Variants in VPS13A observed in about 807,000 individuals in gnomAD.
VPS13A encodes vacuolar protein sorting 13 homolog A, also known as intermembrane lipid transfer protein VPS13A.
In VPS13A, 264 loss-of-function variants were observed where a neutral mutation model predicts 390.9. That is an observed-to-expected ratio of 0.68 (90% confidence interval 0.61 to 0.75). The LOEUF (loss-of-function observed/expected upper bound fraction) is 0.75, where lower values mean the gene tolerates loss of function less well. Among genes scored for constraint, VPS13A ranks in the 30% least tolerant of loss-of-function variants. The probability of loss-of-function intolerance (pLI) is 0.00; values close to 1 mark genes in which losing one functional copy is unlikely to be tolerated. For synonymous variants in VPS13A, 1,231 were observed against 1,227.1 expected, an observed-to-expected ratio of 1.00 and a Z score of -0.07; for missense variants, 3,409 against 3,733.9, an observed-to-expected ratio of 0.91 and a Z score of 2.27.
At chr9:77,209,941 T>C (rs939385877) in intron 6 of VPS13A, among the ~76,000 whole-genome samples, 4 of 152,204 alleles carry the variant, frequency 2.6e-5, no homozygotes, top group Non-Finnish European at 5.9e-5. Context: ...TTTATAATCC[T>C]ATTTTGTTAG....
Position 77,344,256 on chromosome 9 carries a change from G to A in VPS13A, c.7130G>A (p.Cys2377Tyr), listed in dbSNP as rs1249763554. 4 of 1,613,324 alleles carry A rather than the reference G, an allele frequency of 2.5e-6. No homozygotes were observed. The highest frequency in any genetic ancestry group is 3.4e-6 in the Non-Finnish European group (4 of 1,179,644). ...KRIYFNKQEN[C>Y]ILLRLDNELG... is the part of the protein sequence containing the mutation. ...ATATATTTTAACAAGCAGGAAAATT[G>A]TATTCTATTGCGTCTAGATAACGAG... The change falls in exon 51 of 72, where the codon TGT (cysteine) becomes TAT (tyrosine). Residue 2377 changes from cysteine (C) to tyrosine (Y), a missense_variant. By Grantham distance (194) the Cys-to-Tyr change is radical (BLOSUM62 -2). This residue lies in a region of VPS13A where 2,717 missense variants were observed against 2,917.4 expected (regional missense o/e 0.93). Transcript: ENST00000360280.
chr9:77,180,201 A>G (rs1021914671), intron 1 of VPS13A, among the ~76,000 whole-genome samples: 1 of 152,006 alleles, frequency 6.6e-6, no homozygotes, highest in Non-Finnish European at 1.5e-5. Flanking sequence ...TTTTTTGTGG[A>G]TGTATGTTTT....
At chr9:77,207,236 TA>T (rs1564630284) in intron 5 of VPS13A, among the ~76,000 whole-genome samples, 2 of 88,936 alleles carry the variant, frequency 2.2e-5, no homozygotes, top group African/African-American at 7.0e-5. Flanking sequence ...TATATATATA[TA>T]TATATATATA....
At chr9:77,180,085 C>A (rs1200722279) in intron 1 of VPS13A, among the ~76,000 whole-genome samples, 3 of 151,962 alleles carry the variant, frequency 2.0e-5, no homozygotes, top group Non-Finnish European at 4.4e-5. Context: ...ATTCATAGAC[C>A]ACAATTTATT....
intron 17 of VPS13A, among the ~76,000 whole-genome samples, chr9:77,236,500 G>C (rs1338531397): frequency 1.3e-5 from 2 of 152,160 alleles, no homozygotes; most frequent in African/African-American, 4.8e-5. Context: ...GAAGGATGTA[G>C]TTTTCCATTT....
chr9:77,235,179 T>C (rs980319040), intron 17 of VPS13A, among the ~76,000 whole-genome samples: 1 of 152,204 alleles, frequency 6.6e-6, no homozygotes, highest in African/African-American at 2.4e-5. Flanking sequence ...CTATCTAATA[T>C]CCTGTCATTG....
chr9:77,271,718 G>A (rs751476642), intron 23 of VPS13A, among the ~76,000 whole-genome samples: 2 of 151,736 alleles, frequency 1.3e-5, no homozygotes, highest in South Asian at 2.1e-4. Flanking sequence ...GGAATAGAAC[G>A]CAGGATTACT....
intron 70 of VPS13A, among the ~76,000 whole-genome samples, chr9:77,406,591 A>G (rs1326625668): frequency 6.6e-6 from 1 of 151,684 alleles, no homozygotes; most frequent in African/African-American, 2.4e-5. Flanking sequence ...TAATTTTTGT[A>G]TTTTTAGTAC....
At chr9:77,226,657 C>T (rs1823535374) in intron 15 of VPS13A, 59 bp downstream of exon 15, 2 of 1,568,180 alleles carry the variant, frequency 1.3e-6, no homozygotes, top group Admixed American at 3.4e-5. Context: ...AAAGTTTTGC[C>T]ATTTTTTGCC....
At chr9:77,371,005 A>G in intron 66 of VPS13A, 21 bp from the exon 67 acceptor site, 1 of 1,614,136 alleles carries the variant, frequency 6.2e-7, no homozygotes, top group Non-Finnish European at 8.5e-7. Context: ...GCAATTGTCA[A>G]AAACTCTTTT....
chr9:77,369,959 G>A (rs1026352574), intron 63 of VPS13A, among the ~76,000 whole-genome samples: 8 of 152,306 alleles, frequency 5.3e-5, no homozygotes, highest in African/African-American at 1.9e-4. Flanking sequence ...AGAGTAGTTT[G>A]AACTGTGCTT....
chr9:77,326,605 C>T (rs1830030698), intron 45 of VPS13A, among the ~76,000 whole-genome samples: 1 of 151,984 alleles, frequency 6.6e-6, no homozygotes, highest in South Asian at 2.1e-4. Context: ...CTCTTTTTAA[C>T]ATCCTTAGTC....
chr9:77,321,123 GTGT>G lies in VPS13A; in HGVS notation c.5416-44_5416-42del, dbSNP rs373582745. On this transcript the variant is annotated intron_variant, in intron 42 of 71. Coordinates refer to ENST00000360280, the MANE Select transcript of VPS13A (RefSeq NM_033305.3). ...GTATTGGGATTTGTCTAGTTATGTTGTGTTCTTAGAATTTTTCCTTATATTTCT... is the reference window on the plus strand; with the variant it reads ...GTATTGGGATTTGTCTAGTTATGTTGTCTTAGAATTTTTCCTTATATTTCT... 2,291 of 1,538,678 alleles carry G rather than the reference GTGT, an allele frequency of 1.5e-3. 27 individuals are homozygous for G. The African/African-American group carries it at 0.027, about 18-fold the overall frequency.
chr9:77,293,636 CA>C (rs1411748067), intron 32 of VPS13A, 128 bp downstream of exon 32: 2 of 462,146 alleles, frequency 4.3e-6, no homozygotes, highest in Non-Finnish European at 7.1e-6. Context: ...TTCTGGGTAC[CA>C]TTTATTATAC....
rs139516538 is a variant in VPS13A at position 77,281,931 on chromosome 9, G to A, written c.2964+5G>A. ...AATGTTTTACAATTGATTAAGGTAT[G>A]AGTAGATAATTTATTTTTTAATTAT... On this transcript the variant is annotated splice_donor_5th_base_variant and intron_variant, in intron 28 of 71. Coordinates refer to ENST00000360280, the MANE Select transcript of VPS13A (RefSeq NM_033305.3). The A allele has an allele frequency of 1.2e-4, 186 of 1,535,624 alleles. 1 individual carries two copies. In the East Asian group the frequency reaches 3.7e-3, roughly 31 times the overall value.
At position 77,185,760 on chromosome 9, in the gene VPS13A, C is replaced by T. The variant is rs1363027925; in HGVS notation, c.100+7956C>T. ...CTGTCTTAGCATACCAATTATGCTT[C>T]TTAAACAATTTATTTAAGTGGTTGT... is the stretch of plus-strand genomic sequence containing the variant. On this transcript the variant is annotated intron_variant, in intron 1 of 71. Transcript: ENST00000360280. Among the ~76,000 whole-genome samples the T allele has an allele frequency of 2.0e-5, 3 of 152,100 alleles. No individual in the cohort carries two copies. The East Asian group carries it at 5.8e-4, about 29-fold the overall frequency.
rs766003279 is a variant in VPS13A, at chr9:77,260,067, T to C, written c.2289-19T>C. ...GAATAATTCCTTTATAATTACTTAT[T>C]TTTATCTTTTCAAAACAGATTCAAG... is the stretch of plus-strand genomic sequence containing the variant. On this transcript the variant is annotated intron_variant, in intron 22 of 71. Coordinates refer to ENST00000360280, the MANE Select transcript of VPS13A (RefSeq NM_033305.3). 50 of 1,398,844 alleles carry C rather than the reference T, an allele frequency of 3.6e-5. No homozygotes were observed. In the African/African-American group the frequency reaches 5.8e-4, roughly 16 times the overall value. The allele number at this position is 1,398,844 out of a possible 1,614,324, so 86.7% of individuals were successfully genotyped here. A position where few individuals can be genotyped will look rare whatever the true frequency, so the allele number is the denominator to read the frequency against.
chr9:77,311,709 A>G (rs1829087943), intron 35 of VPS13A, among the ~76,000 whole-genome samples: 1 of 152,212 alleles, frequency 6.6e-6, no homozygotes, highest in Non-Finnish European at 1.5e-5. Flanking sequence ...GAAGATTTGA[A>G]CACAGTCAAC....
rs973025038 is a variant in VPS13A, at chr9:77,417,975, A to G, written c.*1969A>G. On this transcript the variant is annotated 3_prime_UTR_variant, in exon 72 of 72. Transcript: ENST00000360280. The stretch of plus-strand genomic sequence containing the variant: ...TAGACTAGAGGGACCCACAGTTTTA[A>G]GAGCTACATCATATCATTTGTTGTT... 6.6e-6 allele frequency: 1 copy of G among 152,182 alleles called. No individual in the cohort carries two copies. The highest frequency in any genetic ancestry group is 6.5e-5 in the Admixed American group (1 of 15,274). 9.4% of individuals were successfully genotyped at this position (152,182 alleles called of 1,614,324 possible).
Sources: gnomAD v4.1 joint callset for allele counts (sites outside exome capture counted in the v4.1 genomes callset) on GRCh38, gnomAD v4.1.1 for gene constraint, gnomAD v4.1.1 regional missense constraint, MANE v1.5 for transcripts, NCBI Gene and HGNC (gene_info 2026-07-23, HGNC 2026-07-21) for gene names.